Variants in THADA observed in about 807,000 individuals in gnomAD.
THADA encodes the protein tRNA (32-2'-O)-methyltransferase regulator THADA.
Under a neutral mutation model 219.8 loss-of-function variants are expected in THADA, and 213 were observed. The ratio of observed to expected loss-of-function variants is 0.97; its 90% confidence interval spans 0.87 to 1.09. The LOEUF (loss-of-function observed/expected upper bound fraction) is 1.09, where lower values mean the gene tolerates loss of function less well. THADA is among the 50% of genes least tolerant of loss of function. THADA has a pLI of 0.00. For missense variants in THADA, 2,956 were observed against 2,311.3 expected, an observed-to-expected ratio of 1.28 and a Z score of -5.72; for synonymous variants, 1,018 against 828.9, an observed-to-expected ratio of 1.23 and a Z score of -3.92.
At chr2:43,376,456 G>A (rs1255893736) in intron 29 of THADA, among the ~76,000 whole-genome samples, 1 of 152,152 alleles carries the variant, frequency 6.6e-6, no homozygotes, top group East Asian at 1.9e-4. Context: ...GATTTACTAG[G>A]ATGCCCTCAG....
chr2:43,569,553 T>A (rs975119730), intron 14 of THADA, among the ~76,000 whole-genome samples: 1 of 152,222 alleles, frequency 6.6e-6, no homozygotes, highest in Non-Finnish European at 1.5e-5. Context: ...AGGTCGAAGC[T>A]AATTTTACCC....
At position 43,485,396 on chromosome 2, in the gene THADA, A is replaced by G; in HGVS notation, c.3745-71T>C. 2.8e-6 allele frequency: 3 copies of G among 1,084,248 alleles called. 1 individual carries two copies. The East Asian group carries it at 7.2e-5, about 26-fold the overall frequency. 67.2% of individuals were successfully genotyped at this position (1,084,248 alleles called of 1,614,324 possible). ...TGAAACCAACGTTTACAATGTTCAA[A>G]CTAGATAATTCAAAATCATTACCTA... On this transcript the variant is annotated intron_variant, in intron 25 of 37. Coordinates refer to ENST00000405975, the MANE Select transcript of THADA (RefSeq NM_022065.5).
At chr2:43,584,578 G>A (rs1290015034) in intron 7 of THADA, among the ~76,000 whole-genome samples, 1 of 152,134 alleles carries the variant, frequency 6.6e-6, no homozygotes, top group Non-Finnish European at 1.5e-5. Context: ...AACAGCCATG[G>A]GATTGAAAAC....
intron 36 of THADA, among the ~76,000 whole-genome samples, chr2:43,241,240 T>C (rs1015131589): frequency 6.6e-6 from 1 of 151,900 alleles, no homozygotes; most frequent in Non-Finnish European, 1.5e-5. Context: ...AGGCACAAAC[T>C]ACCATGTCCC....
At chr2:43,546,892 G>A (rs1574193581) in intron 20 of THADA, among the ~76,000 whole-genome samples, 1 of 152,186 alleles carries the variant, frequency 6.6e-6, no homozygotes, top group Non-Finnish European at 1.5e-5. Context: ...ATATTGTTAT[G>A]TGTGAATTTG....
chr2:43,367,348 A>C (rs561853880), intron 29 of THADA, among the ~76,000 whole-genome samples: 132 of 151,570 alleles, frequency 8.7e-4, no homozygotes, highest in African/African-American at 2.4e-3. Context: ...TTTTTTAAAA[A>C]AATTTAATTA....
intron 20 of THADA, among the ~76,000 whole-genome samples, chr2:43,541,727 A>G (rs1695348106): frequency 6.6e-6 from 1 of 152,078 alleles, no homozygotes; most frequent in South Asian, 2.1e-4. Context: ...CTCCTGGACT[A>G]AAGCAATTCT....
rs528916023 is a variant in THADA, at chr2:43,234,098, G to T, written c.5297-1216C>A. On this transcript the variant is annotated intron_variant, in intron 36 of 37. Transcript: ENST00000405975. The stretch of plus-strand genomic sequence containing the variant: ...TGGCCCCACTGAGGGCCTAGTGAGT[G>T]CCAGGCCCTGATCAAATGCTGTCTC... 3.3e-5 allele frequency among the ~76,000 whole-genome samples: 5 copies of T among 152,288 alleles called. No homozygotes were observed. In the East Asian group the frequency reaches 9.6e-4, roughly 29 times the overall value.
intron 26 of THADA, among the ~76,000 whole-genome samples, chr2:43,440,360 T>C (rs181950680): frequency 2.0e-5 from 3 of 152,368 alleles, no homozygotes; most frequent in Non-Finnish European, 2.9e-5. Flanking sequence ...CTTTTGGTTA[T>C]TGCTAGTCTC....
At chr2:43,377,546 A>G (rs2104643293) in intron 29 of THADA, among the ~76,000 whole-genome samples, 1 of 152,342 alleles carries the variant, frequency 6.6e-6, no homozygotes, top group Admixed American at 6.5e-5. Flanking sequence ...AGCACTGTGC[A>G]AAGCTTACAG....
chr2:43,451,551 G>C (rs962922896), intron 26 of THADA, among the ~76,000 whole-genome samples: 1 of 152,154 alleles, frequency 6.6e-6, no homozygotes, highest in Non-Finnish European at 1.5e-5. Flanking sequence ...CCAGCACCCA[G>C]AATGGTGTCT....
chr2:43,514,663 A>AATAATATATAATATATTATATTATAT (rs1400730179), intron 22 of THADA, among the ~76,000 whole-genome samples: 6 of 77,380 alleles, frequency 7.8e-5, no homozygotes, highest in Admixed American at 2.0e-4. Flanking sequence ...TATTGTATAT[A>AATAATATATAATATATTATATTATAT]ATAATATATA....
At chr2:43,254,868 G>C (rs370837825) in intron 36 of THADA, among the ~76,000 whole-genome samples, 1 of 152,052 alleles carries the variant, frequency 6.6e-6, no homozygotes, top group African/African-American at 2.4e-5. Flanking sequence ...TTGTTTTCTC[G>C]GTCCCCCCAC....
At position 43,579,517 on chromosome 2, in the gene THADA, G is replaced by A. The variant is rs906847485; in HGVS notation, c.722-910C>T. Among the ~76,000 whole-genome samples the A allele has an allele frequency of 5.3e-5, 8 of 152,242 alleles. No individual in the cohort carries two copies. In the East Asian group the frequency reaches 7.7e-4, roughly 15 times the overall value. The stretch of plus-strand genomic sequence containing the variant: ...ACTTCTTTATGACATCATAAACTAC[G>A]TACTAAATATCCACTCTGCCCTTCA... On this transcript the variant is annotated intron_variant, in intron 8 of 37. Transcript: ENST00000405975.
At chr2:43,346,379 A>G (rs915083252) in intron 29 of THADA, among the ~76,000 whole-genome samples, 10 of 152,162 alleles carry the variant, frequency 6.6e-5, no homozygotes, top group African/African-American at 2.4e-4. Context: ...CTTTGAAACT[A>G]AGATTTGATC....
intron 36 of THADA, among the ~76,000 whole-genome samples, chr2:43,241,535 C>T (rs1255273468): frequency 6.7e-6 from 1 of 148,518 alleles, no homozygotes; most frequent in Admixed American, 6.6e-5. Context: ...TCTGGACTTA[C>T]CAGCAGTGTC....
At chr2:43,418,266 C>T (rs1196869689) in intron 28 of THADA, among the ~76,000 whole-genome samples, 3 of 152,208 alleles carry the variant, frequency 2.0e-5, no homozygotes, top group Admixed American at 6.5e-5. Context: ...CAAGCACCTG[C>T]TACTTGCTAC....
chr2:43,485,505 C>T (rs962209585), intron 25 of THADA, among the ~76,000 whole-genome samples, 180 bp from the exon 26 acceptor site: 4 of 152,100 alleles, frequency 2.6e-5, no homozygotes, highest in African/African-American at 7.2e-5. Context: ...GATTCAATGA[C>T]TTCAATTGAG....
chr2:43,377,498 G>T (rs1437897802), intron 29 of THADA, among the ~76,000 whole-genome samples: 1 of 152,084 alleles, frequency 6.6e-6, no homozygotes, highest in Non-Finnish European at 1.5e-5. Context: ...GATAGATGAG[G>T]TGCAGTGACC....
Sources: allele counts gnomAD v4.1 joint callset (sites outside exome capture counted in the v4.1 genomes callset), GRCh38; gene constraint gnomAD v4.1.1; transcripts MANE v1.5; gene names NCBI Gene and HGNC (gene_info 2026-07-23, HGNC 2026-07-21).